Variants in ZDHHC23 observed in about 807,000 individuals in gnomAD.
The protein encoded by ZDHHC23 is zDHHC palmitoyltransferase 23.
ZDHHC23 carries 41 observed loss-of-function variants against 40.2 expected under a neutral mutation model. The observed-to-expected ratio is 1.02, with a 90% CI of 0.79 to 1.32. The LOEUF is 1.32. Among genes scored for constraint, ZDHHC23 ranks in the 40% most tolerant of loss-of-function variants. The pLI is 0.00. For synonymous variants in ZDHHC23, 204 were observed against 210.2 expected, an observed-to-expected ratio of 0.97 and a Z score of 0.26; for missense variants, 471 against 541.5, an observed-to-expected ratio of 0.87 and a Z score of 1.29.
chr3:113,957,939 T>G, intron 4 of ZDHHC23: 1 of 426,526 alleles, frequency 2.3e-6, no homozygotes, highest in Non-Finnish European at 4.6e-6. Flanking sequence ...TTAGTAACTT[T>G]AGCACTGTTC....
intron 3 of ZDHHC23, among the ~76,000 whole-genome samples, chr3:113,955,357 TTC>T (rs1180919643): frequency 7.4e-6 from 1 of 135,262 alleles, no homozygotes. Context: ...TCTTCACTTA[TTC>T]GTGTGTGTGT....
chr3:113,956,730 T>A (rs1939257897), intron 4 of ZDHHC23, among the ~76,000 whole-genome samples: 1 of 152,230 alleles, frequency 6.6e-6, no homozygotes, highest in Admixed American at 6.5e-5. Context: ...GAAGAACTAG[T>A]TCTCTACAAA....
At chr3:113,966,010 T>C (rs1225993009), downstream of ZDHHC23, among the ~76,000 whole-genome samples, 1 of 152,108 alleles carries the variant, frequency 6.6e-6, no homozygotes, top group Non-Finnish European at 1.5e-5. Context: ...GTTGATCTGA[T>C]TATAGCATAC....
the ZDHHC23 span, among the ~76,000 whole-genome samples, chr3:113,975,409 A>AT: frequency 2.0e-5 from 3 of 152,164 alleles, no homozygotes; most frequent in East Asian, 1.9e-4. Flanking sequence ...CTGAATATCA[A>AT]TTTTTTAATG....
chr3:113,977,701 G>C, the ZDHHC23 span, among the ~76,000 whole-genome samples: 4,807 of 152,264 alleles, frequency 0.032, 235 homozygotes, highest in African/African-American at 0.11. Flanking sequence ...GAAGGAGCCT[G>C]TGCGACAGCA....
At chr3:113,966,222 T>C (rs938602132), downstream of ZDHHC23, among the ~76,000 whole-genome samples, 5 of 152,126 alleles carry the variant, frequency 3.3e-5, no homozygotes, top group Non-Finnish European at 5.9e-5. Flanking sequence ...GTCTTGAATA[T>C]CAGTTGAGAA....
chr3:113,978,345 CAG>C, the ZDHHC23 span: 13 of 1,611,506 alleles, frequency 8.1e-6, no homozygotes, highest in African/African-American at 4.0e-5. Context: ...GGGATGAAGA[CAG>C]AAATAAAAGT....
rs756344642 is a variant in ZDHHC23, at chr3:113,958,447, C to T, written c.1125C>T (p.Asn375=). The T allele has an allele frequency of 1.9e-6, 3 of 1,614,072 alleles. No individual in the cohort carries two copies. The African/African-American group carries it at 4.0e-5, about 22-fold the overall frequency. ...MAYIFLIQLI[N]ISYNVTEREV... ...ACATCTTCCTGATCCAGCTGATCAA[C>T]ATCAGCTACAATGTGACTGAGCGGG... The change falls in exon 5 of 5, where the codon AAC becomes AAT. Residue 375 remains asparagine, a synonymous_variant. Transcript: ENST00000638807.
At chr3:113,978,638 G>T in the ZDHHC23 span, 1 of 610,964 alleles carries the variant, frequency 1.6e-6, no homozygotes, top group Non-Finnish European at 2.8e-6. Flanking sequence ...ATAACTTACA[G>T]TTTATACACA....
chr3:113,967,395 A>G (rs1450057336), downstream of ZDHHC23, among the ~76,000 whole-genome samples: 1 of 151,440 alleles, frequency 6.6e-6, no homozygotes, highest in Non-Finnish European at 1.5e-5. Flanking sequence ...CTTTCCCTAC[A>G]TTTCTCTTTC....
chr3:113,978,181 C>G, the ZDHHC23 span: 1 of 1,613,832 alleles, frequency 6.2e-7, no homozygotes, highest in Non-Finnish European at 8.5e-7. Flanking sequence ...CTATCAAAAC[C>G]TCACCTGTCA....
At chr3:113,965,579 TTTTTA>T (rs1437262980), downstream of ZDHHC23, among the ~76,000 whole-genome samples, 10 of 152,204 alleles carry the variant, frequency 6.6e-5, no homozygotes, top group Non-Finnish European at 1.3e-4. Context: ...GTTATTTTTA[TTTTTA>T]TTTTATTTTA....
rs1392067483 is a variant in ZDHHC23, at chr3:113,962,989, G to T, written c.*4359G>T. 1 of 152,128 alleles carries T rather than the reference G, an allele frequency of 6.6e-6. No individual in the cohort carries two copies. The highest frequency in any genetic ancestry group is 2.4e-5 in the African/African-American group (1 of 41,386). The allele number at this position is 152,128 out of a possible 1,614,324, so 9.4% of individuals were successfully genotyped here. A position where few individuals can be genotyped will look rare whatever the true frequency, so the allele number is the denominator to read the frequency against. On this transcript the variant is annotated 3_prime_UTR_variant, in exon 5 of 5. Transcript: ENST00000638807. ...GTGCTTTCTTTAAGGAAAATAGCTG[G>T]TGTTTCTTGGAGTGTCTCCTGAAGT...
Position 113,958,658 on chromosome 3 carries a change from A to G in ZDHHC23, c.*28A>G. 1 of 1,593,672 alleles carries G rather than the reference A, an allele frequency of 6.3e-7. No individual in the cohort carries two copies. Among genetic ancestry groups the G allele is most frequent in the Non-Finnish European group, 8.5e-7 (1 of 1,177,460 alleles). ...TGCCTTCTATGTGGCTCTCTGAGGG[A>G]TGATGGCTCCTCCTTCCGTCTCCCT... On this transcript the variant is annotated 3_prime_UTR_variant, in exon 5 of 5. Transcript: ENST00000638807.
rs561829704 is a variant in ZDHHC23, at chr3:113,961,330, C to T, written c.*2700C>T. The T allele has an allele frequency of 1.3e-5, 2 of 152,370 alleles. No individual in the cohort carries two copies. Among genetic ancestry groups the T allele is most frequent in the African/African-American group, 4.8e-5 (2 of 41,530 alleles). 9.4% of individuals were successfully genotyped at this position (152,370 alleles called of 1,614,324 possible). ...CTGGCCACTTAGATTATTATCACAC[C>T]ACTGTGGACTGTTCCTGGGGGGAGA... On this transcript the variant is annotated 3_prime_UTR_variant, in exon 5 of 5. Coordinates refer to ENST00000638807, the MANE Select transcript of ZDHHC23 (RefSeq NM_001320466.2).
At chr3:113,955,646 C>T (rs560432974) in intron 3 of ZDHHC23, among the ~76,000 whole-genome samples, 1 of 152,184 alleles carries the variant, frequency 6.6e-6, no homozygotes, top group South Asian at 2.1e-4. Flanking sequence ...ATGAATTTTC[C>T]CATACTATGT....
chr3:113,959,128 TA>T lies in ZDHHC23; in HGVS notation c.*504del. 1 of 1,033,728 alleles carries T rather than the reference TA, an allele frequency of 9.7e-7. No individual in the cohort carries two copies. The highest frequency in any genetic ancestry group is 4.5e-5 in the Admixed American group (1 of 22,144). The allele number at this position is 1,033,728 out of a possible 1,614,324, so 64.0% of individuals were successfully genotyped here. ...GAGGGAAGATGGATGTGGAAAGCAC[TA>T]AAAAACAACTCAAGAGCCATGGAAA... On this transcript the variant is annotated 3_prime_UTR_variant, in exon 5 of 5. Coordinates refer to ENST00000638807, the MANE Select transcript of ZDHHC23 (RefSeq NM_001320466.2).
Position 113,954,195 on chromosome 3 carries a change from G to A in ZDHHC23, c.657G>A (p.Glu219=). 1 of 1,614,244 alleles carries A rather than the reference G, an allele frequency of 6.2e-7. No individual in the cohort carries two copies. The highest frequency in any genetic ancestry group is 8.5e-7 in the Non-Finnish European group (1 of 1,180,046). ...AGTGCCTGAGCAGAAAAGGGCAGGA[G>A]AAGACCAAAGGGTTCCCTGGGGCAG... ...QLECLSRKGQ[E]KTKGFPGADM... is the part of the protein sequence containing the mutation. The change falls in exon 3 of 5, where the codon GAG becomes GAA. Residue 219 remains glutamate, a synonymous_variant. Coordinates refer to ENST00000638807, the MANE Select transcript of ZDHHC23 (RefSeq NM_001320466.2).
At chr3:113,966,839 C>A (rs962955392), downstream of ZDHHC23, among the ~76,000 whole-genome samples, 1 of 152,098 alleles carries the variant, frequency 6.6e-6, no homozygotes, top group Admixed American at 6.5e-5. Context: ...TGGGTCACAC[C>A]TGTAATCCCA....
Sources: gnomAD v4.1 joint callset for allele counts (sites outside exome capture counted in the v4.1 genomes callset) on GRCh38, gnomAD v4.1.1 for gene constraint, MANE v1.5 for transcripts, NCBI Gene and HGNC (gene_info 2026-07-23, HGNC 2026-07-21) for gene names.